Variants in PLXDC2 observed in about 807,000 individuals in gnomAD.
PLXDC2 encodes plexin domain-containing protein 2.
PLXDC2 carries 40 observed loss-of-function variants against 68.9 expected under a neutral mutation model. The observed-to-expected ratio is 0.58, with a 90% CI of 0.45 to 0.76. PLXDC2 has a LOEUF of 0.76. Among genes scored for constraint, PLXDC2 ranks in the 30% least tolerant of loss-of-function variants. The probability of loss-of-function intolerance (pLI) is 0.00; values close to 1 mark genes in which losing one functional copy is unlikely to be tolerated. For synonymous variants in PLXDC2, 243 were observed against 234.2 expected (o/e 1.04, Z -0.34); for missense variants, 644 against 661.9 (o/e 0.97, Z 0.30).
chr10:20,069,469 C>A (rs1836278770), intron 4 of PLXDC2, among the ~76,000 whole-genome samples: 1 of 152,014 alleles, frequency 6.6e-6, no homozygotes, highest in Admixed American at 6.6e-5. Context: ...CAAGCCTGGG[C>A]AACACTGTGA....
At chr10:20,138,309 G>A (rs1833959470) in intron 4 of PLXDC2, among the ~76,000 whole-genome samples, 2 of 152,132 alleles carry the variant, frequency 1.3e-5, no homozygotes, top group Admixed American at 1.3e-4. Context: ...GTCATCTGGT[G>A]GCAATTTTAA....
chr10:20,161,720 T>C lies in PLXDC2; in HGVS notation c.784-2748T>C, dbSNP rs1589659457. Among the ~76,000 whole-genome samples, 3 of 151,020 alleles carry C rather than the reference T, an allele frequency of 2.0e-5. No individual in the cohort carries two copies. In the East Asian group the frequency reaches 5.9e-4, roughly 29 times the overall value. On this transcript the variant is annotated intron_variant, in intron 6 of 13. Coordinates refer to ENST00000377252, the MANE Select transcript of PLXDC2 (RefSeq NM_032812.9). ...GATGGCTGGGTAAGGGAAGAAGAGA[T>C]AGGGAAGAGAGACAGAAAAGGTAGA...
intron 1 of PLXDC2, among the ~76,000 whole-genome samples, chr10:19,921,660 C>T (rs1406187731): frequency 1.3e-5 from 2 of 152,170 alleles, no homozygotes; most frequent in South Asian, 2.1e-4. Flanking sequence ...CTTAAGGTTG[C>T]AGCTTTAGCT....
At chr10:20,157,012 T>C (rs1834225737) in intron 6 of PLXDC2, among the ~76,000 whole-genome samples, 1 of 152,190 alleles carries the variant, frequency 6.6e-6, no homozygotes, top group Admixed American at 6.5e-5. Context: ...CTCCAACTCC[T>C]GGGCTCGAGT....
chr10:20,248,185 A>G lies in PLXDC2; in HGVS notation c.1473+2680A>G, dbSNP rs143781819. On this transcript the variant is annotated intron_variant, in intron 13 of 13. Coordinates refer to ENST00000377252, the MANE Select transcript of PLXDC2 (RefSeq NM_032812.9). ...GGTGATGGTATTAGCAGCAAATTGC[A>G]TAGTATGAAAGATCTAGTTAAAGCT... is the stretch of plus-strand genomic sequence containing the variant. Among the ~76,000 whole-genome samples the G allele has an allele frequency of 8.3e-4, 126 of 152,346 alleles. 2 individuals carry two copies. In the East Asian group the frequency reaches 0.022, roughly 26 times the overall value.
chr10:19,991,629 G>A (rs905732602), intron 1 of PLXDC2, among the ~76,000 whole-genome samples: 12 of 152,202 alleles, frequency 7.9e-5, no homozygotes, highest in Admixed American at 3.9e-4. Flanking sequence ...GGATAAGTCA[G>A]CCTGGGCTCA....
At chr10:19,893,070 G>A (rs1384011198) in intron 1 of PLXDC2, among the ~76,000 whole-genome samples, 1 of 152,056 alleles carries the variant, frequency 6.6e-6, no homozygotes, top group Admixed American at 6.6e-5. Context: ...CATCAAAGAA[G>A]GGTAATAATC....
intron 1 of PLXDC2, among the ~76,000 whole-genome samples, chr10:19,901,949 T>A (rs535861617): frequency 8.5e-5 from 13 of 152,326 alleles, no homozygotes; most frequent in Admixed American, 4.6e-4. Flanking sequence ...CCCCACTTTA[T>A]GTTTTTGTTT....
chr10:20,004,082 G>GA (rs1005310496), intron 2 of PLXDC2, among the ~76,000 whole-genome samples: 51 of 152,022 alleles, frequency 3.4e-4, no homozygotes, highest in African/African-American at 1.2e-3. Context: ...CATTATTTAA[G>GA]AAAAAAAACT....
intron 1 of PLXDC2, among the ~76,000 whole-genome samples, chr10:19,937,015 C>T (rs893318919): frequency 5.3e-5 from 8 of 152,122 alleles, no homozygotes; most frequent in Non-Finnish European, 1.0e-4. Flanking sequence ...TTTGATGTTC[C>T]TATTGACTTT....
At chr10:20,106,338 G>T (rs2460577) in intron 4 of PLXDC2, among the ~76,000 whole-genome samples, 1,718 of 152,312 alleles carry the variant, frequency 0.011, 16 homozygotes, top group Non-Finnish European at 0.019. Context: ...GTTGGTCTGG[G>T]CTGTGTTAGG....
chr10:20,233,725 GTA>G (rs1023229867), intron 12 of PLXDC2, among the ~76,000 whole-genome samples: 1 of 152,158 alleles, frequency 6.6e-6, no homozygotes, highest in African/African-American at 2.4e-5. Context: ...GTCCAGTAGA[GTA>G]TATAGTCACT....
chr10:20,252,956 A>G (rs1012109079), intron 13 of PLXDC2, among the ~76,000 whole-genome samples: 1 of 129,600 alleles, frequency 7.7e-6, no homozygotes, highest in Non-Finnish European at 1.8e-5. Context: ...CATCCTTATT[A>G]TTATCATCAT....
chr10:20,230,873 A>G (rs1278939849), intron 12 of PLXDC2, among the ~76,000 whole-genome samples: 1 of 151,070 alleles, frequency 6.6e-6, no homozygotes, highest in Non-Finnish European at 1.5e-5. Flanking sequence ...TTCACATGAA[A>G]CGGTCACCAA....
At chr10:20,246,186 G>A (rs1371098297) in intron 13 of PLXDC2, among the ~76,000 whole-genome samples, 1 of 152,164 alleles carries the variant, frequency 6.6e-6, no homozygotes. Flanking sequence ...AAACAGGTGG[G>A]AAGACAAGGG....
At chr10:20,230,984 C>T (rs1387675255) in intron 12 of PLXDC2, among the ~76,000 whole-genome samples, 1 of 150,208 alleles carries the variant, frequency 6.7e-6, no homozygotes, top group Non-Finnish European at 1.5e-5. Context: ...GAAGCAGTAA[C>T]AATATAATGT....
chr10:19,941,974 GAAAAAA>G (rs199597958), intron 1 of PLXDC2, among the ~76,000 whole-genome samples: 1 of 111,744 alleles, frequency 8.9e-6, no homozygotes, highest in Non-Finnish European at 1.9e-5. Context: ...GACATTTAGA[GAAAAAA>G]AAAAAAAAAA....
At chr10:20,192,542 G>A (rs371083595) in intron 9 of PLXDC2, among the ~76,000 whole-genome samples, 1 of 151,910 alleles carries the variant, frequency 6.6e-6, no homozygotes, top group Non-Finnish European at 1.5e-5. Flanking sequence ...AATTAAAATG[G>A]CATGTAGCAA....
intron 4 of PLXDC2, among the ~76,000 whole-genome samples, chr10:20,128,988 G>A (rs915135047): frequency 3.9e-5 from 6 of 152,006 alleles, no homozygotes; most frequent in Admixed American, 1.3e-4. Flanking sequence ...CACTTCCTCC[G>A]GATATATACT....
Sources: gnomAD v4.1 joint callset for allele counts (sites outside exome capture counted in the v4.1 genomes callset) on GRCh38, gnomAD v4.1.1 for gene constraint, MANE v1.5 for transcripts, NCBI Gene and HGNC (gene_info 2026-07-23, HGNC 2026-07-21) for gene names.